RFX7: variants seen among roughly 807,000 people sequenced by gnomAD.
RFX7 encodes DNA-binding protein RFX7.
In RFX7, 26 loss-of-function variants were observed where a neutral mutation model predicts 111.8. That is an observed-to-expected ratio of 0.23 (90% CI 0.17 to 0.32). The LOEUF (loss-of-function observed/expected upper bound fraction) is 0.32. Ranked by LOEUF, RFX7 falls within the 10% of genes least tolerant of loss-of-function variation. The pLI, the probability that RFX7 is intolerant of heterozygous loss-of-function variation, is 1.00. For synonymous variants in RFX7, 624 were observed against 624.4 expected, an observed-to-expected ratio of 1.00 and a Z score of 0.01; for missense variants, 1,573 against 1,772.9, an observed-to-expected ratio of 0.89 and a Z score of 2.02.
Position 56,160,456 on chromosome 15 carries a change from T to C in RFX7, c.196-15973A>G, listed in dbSNP as rs571408486. Among the ~76,000 whole-genome samples the C allele has an allele frequency of 2.6e-5, 4 of 152,116 alleles. No individual in the cohort carries two copies. The South Asian group carries it at 6.2e-4, about 24-fold the overall frequency. ...CTGTTTCTTCAGTTGAGTTACCATA[T>C]ATGGAGGGAACATAAATACACTAAT... On this transcript the variant is annotated intron_variant, in intron 3 of 9. Coordinates refer to ENST00000559447, the MANE Select transcript of RFX7 (RefSeq NM_022841.7).
intron 2 of RFX7, among the ~76,000 whole-genome samples, chr15:56,228,832 A>G (rs1450594079): frequency 6.6e-6 from 1 of 152,204 alleles, no homozygotes; most frequent in African/African-American, 2.4e-5. Flanking sequence ...GATGGTACAG[A>G]ACCCTATATA....
Position 56,090,715 on chromosome 15 carries a change from A to G in RFX7, c.*2630T>C, listed in dbSNP as rs530631641. On this transcript the variant is annotated 3_prime_UTR_variant, in exon 10 of 10. Transcript: ENST00000559447. ...CTTTTTGCACTAAATGAAACATGAA[A>G]CAGGGCTTGTTTTTGTCATTTATCG... 6.5e-6 allele frequency: 1 copy of G among 152,714 alleles called. No individual in the cohort carries two copies. Among genetic ancestry groups the G allele is most frequent in the East Asian group, 1.9e-4 (1 of 5,194 alleles). The allele number at this position is 152,714 out of a possible 1,614,324, so 9.5% of individuals were successfully genotyped here. A position where few individuals can be genotyped will look rare whatever the true frequency, so the allele number is the denominator to read the frequency against.
intron 2 of RFX7, among the ~76,000 whole-genome samples, chr15:56,182,994 T>C (rs1355964944): frequency 6.6e-6 from 1 of 152,158 alleles, no homozygotes; most frequent in Admixed American, 6.5e-5. Context: ...CTTGCATATA[T>C]ATGCCATTTA....
At chr15:56,222,622 T>G (rs1293328407) in intron 2 of RFX7, among the ~76,000 whole-genome samples, 1 of 152,186 alleles carries the variant, frequency 6.6e-6, no homozygotes, top group Non-Finnish European at 1.5e-5. Flanking sequence ...AATTTTTCAT[T>G]TCAGATATTA....
rs546198020 is a variant in RFX7, at chr15:56,152,085, T to C, written c.196-7602A>G. On this transcript the variant is annotated intron_variant, in intron 3 of 9. Coordinates refer to ENST00000559447, the MANE Select transcript of RFX7 (RefSeq NM_022841.7). ...GTTCTTAGAGACCTATAAAGAGACT[T>C]AGACTCCCACACAATAATAGTAGGA... Among the ~76,000 whole-genome samples the C allele has an allele frequency of 3.3e-5, 5 of 152,302 alleles. No homozygotes were observed. In the South Asian group the frequency reaches 6.2e-4, roughly 19 times the overall value.
chr15:56,227,103 C>A (rs1236496017), intron 2 of RFX7, among the ~76,000 whole-genome samples: 1 of 152,178 alleles, frequency 6.6e-6, no homozygotes, highest in Non-Finnish European at 1.5e-5. Flanking sequence ...ATAACACTGG[C>A]ACCAAATATG....
intron 5 of RFX7, among the ~76,000 whole-genome samples, chr15:56,117,075 T>C (rs1286247934): frequency 6.6e-6 from 1 of 152,184 alleles, no homozygotes; most frequent in Non-Finnish European, 1.5e-5. Flanking sequence ...ATGTTTAGTT[T>C]CTGAATCTGG....
chr15:56,185,511 T>C (rs570857487), intron 2 of RFX7, among the ~76,000 whole-genome samples: 2 of 152,304 alleles, frequency 1.3e-5, no homozygotes, highest in Admixed American at 6.5e-5. Context: ...ACTGGACATT[T>C]ATTAATTTCT....
chr15:56,129,533 G>T (rs1478234446), intron 5 of RFX7, among the ~76,000 whole-genome samples: 1 of 152,102 alleles, frequency 6.6e-6, no homozygotes, highest in African/African-American at 2.4e-5. Context: ...GAAAAAAACT[G>T]TTGAACCTAT....
intron 3 of RFX7, among the ~76,000 whole-genome samples, chr15:56,160,160 T>C (rs1277601791): frequency 6.6e-6 from 1 of 152,152 alleles, no homozygotes; most frequent in Non-Finnish European, 1.5e-5. Context: ...TGCAAATCCT[T>C]GATGGTGAAA....
chr15:56,234,360 A>T (rs963461749), intron 2 of RFX7, among the ~76,000 whole-genome samples: 1 of 152,198 alleles, frequency 6.6e-6, no homozygotes, highest in Non-Finnish European at 1.5e-5. Context: ...CCCTGACTAC[A>T]TGATTCTATA....
At chr15:56,105,258 C>A (rs763937601) in intron 5 of RFX7, among the ~76,000 whole-genome samples, 4 of 152,166 alleles carry the variant, frequency 2.6e-5, no homozygotes, top group Admixed American at 1.3e-4. Context: ...TCATCATGTT[C>A]CCTATCAGTG....
At chr15:56,160,344 G>C (rs1329099129) in intron 3 of RFX7, among the ~76,000 whole-genome samples, 2 of 150,674 alleles carry the variant, frequency 1.3e-5, no homozygotes, top group East Asian at 3.9e-4. Context: ...ATTGGTATCA[G>C]TAAAAAGTTT....
At chr15:56,184,060 G>A (rs2043007322) in intron 2 of RFX7, among the ~76,000 whole-genome samples, 1 of 141,704 alleles carries the variant, frequency 7.1e-6, no homozygotes, top group South Asian at 2.4e-4. Context: ...TGCTTTTGTT[G>A]CCCAGGCTGG....
intron 5 of RFX7, among the ~76,000 whole-genome samples, chr15:56,115,782 TA>T (rs1197538336): frequency 6.6e-6 from 1 of 151,628 alleles, no homozygotes; most frequent in Non-Finnish European, 1.5e-5. Context: ...ACTAAAAATA[TA>T]AAAAAACAAT....
chr15:56,242,246 T>TA (rs1349635519), intron 2 of RFX7, among the ~76,000 whole-genome samples: 2 of 152,148 alleles, frequency 1.3e-5, no homozygotes, highest in Admixed American at 6.5e-5. Flanking sequence ...TTGCTACACT[T>TA]AAAAAAGGCA....
At chr15:56,203,791 G>A (rs1451854493) in intron 2 of RFX7, among the ~76,000 whole-genome samples, 1 of 152,134 alleles carries the variant, frequency 6.6e-6, no homozygotes, top group Non-Finnish European at 1.5e-5. Context: ...AGGGAAGCAT[G>A]AATAATCCAC....
intron 8 of RFX7, among the ~76,000 whole-genome samples, chr15:56,100,646 G>C (rs1402499487): frequency 1.3e-5 from 2 of 152,098 alleles, no homozygotes; most frequent in African/African-American, 4.8e-5. Context: ...CAGACATCCT[G>C]ATTTTCTAGA....
intron 3 of RFX7, among the ~76,000 whole-genome samples, chr15:56,168,472 A>G (rs1283695440): frequency 6.6e-6 from 1 of 152,186 alleles, no homozygotes; most frequent in Non-Finnish European, 1.5e-5. Flanking sequence ...ATTTCTGGAG[A>G]AGAAAACAAA....
Sources: gnomAD v4.1 joint callset for allele counts (sites outside exome capture counted in the v4.1 genomes callset) on GRCh38, gnomAD v4.1.1 for gene constraint, MANE v1.5 for transcripts, NCBI Gene and HGNC (gene_info 2026-07-23, HGNC 2026-07-21) for gene names.